Variants in ROBO1 observed in about 807,000 individuals in gnomAD.
ROBO1 encodes the protein roundabout homolog 1.
ROBO1 carries 149 observed loss-of-function variants against 195.9 expected under a neutral mutation model. The observed-to-expected ratio is 0.76, with a 90% CI of 0.67 to 0.87. The LOEUF is 0.87. Among genes scored for constraint, ROBO1 ranks in the 40% least tolerant of loss-of-function variants. The pLI is 0.00. For synonymous variants in ROBO1, 816 were observed against 733.2 expected (o/e 1.11, Z -1.82); for missense variants, 1,933 against 2,068.3 (o/e 0.93, Z 1.27).
At chr3:79,202,445 C>T (rs62259701) in intron 2 of ROBO1, among the ~76,000 whole-genome samples, 2,620 of 152,066 alleles carry the variant, frequency 0.017, 31 homozygotes, top group Non-Finnish European at 0.029. Flanking sequence ...GAAAAATTCA[C>T]TCTTTGATTT....
At chr3:78,711,356 TTCCTTCCTTC>T (rs2081704010) in intron 8 of ROBO1, among the ~76,000 whole-genome samples, 5 of 40,246 alleles carry the variant, frequency 1.2e-4, no homozygotes, top group African/African-American at 6.5e-4. Flanking sequence ...TCCTCCTTCC[TTCCTTCCTTC>T]CTTCCTTCCT....
chr3:78,990,743 T>TA lies in ROBO1; in HGVS notation c.173-51817dup, dbSNP rs1330469749. 3.3e-5 allele frequency among the ~76,000 whole-genome samples: 5 copies of TA among 151,992 alleles called. No homozygotes were observed. In the South Asian group the frequency reaches 8.3e-4, roughly 25 times the overall value. On this transcript the variant is annotated intron_variant, in intron 3 of 30. Coordinates refer to ENST00000464233, the MANE Select transcript of ROBO1 (RefSeq NM_002941.4). ...TAAAGAACACATTTTATACATAAAC[T>TA]AAAAAAAACTACATACCAGGCTATT...
intron 3 of ROBO1, among the ~76,000 whole-genome samples, chr3:79,100,417 C>T (rs1212969530): frequency 1.3e-5 from 2 of 151,390 alleles, no homozygotes; most frequent in East Asian, 1.9e-4. Flanking sequence ...AACCATATTA[C>T]TATTTATTTA....
At chr3:79,628,788 G>C (rs980302135) in intron 1 of ROBO1, among the ~76,000 whole-genome samples, 3 of 151,988 alleles carry the variant, frequency 2.0e-5, no homozygotes, top group African/African-American at 7.2e-5. Flanking sequence ...CAGACTAAAA[G>C]CAAAGGGTTT....
intron 4 of ROBO1, among the ~76,000 whole-genome samples, chr3:78,851,575 A>G (rs2034069609): frequency 6.6e-6 from 1 of 152,200 alleles, no homozygotes; most frequent in Non-Finnish European, 1.5e-5. Context: ...TTATTACCAT[A>G]TGGTTATCTA....
intron 3 of ROBO1, among the ~76,000 whole-genome samples, chr3:79,076,879 C>T (rs1028233961): frequency 1.3e-5 from 2 of 151,730 alleles, no homozygotes; most frequent in Non-Finnish European, 2.9e-5. Context: ...TTAGAATAGA[C>T]AATTTTTCAT....
intron 3 of ROBO1, among the ~76,000 whole-genome samples, chr3:79,020,287 G>C (rs1233098570): frequency 6.6e-6 from 1 of 152,166 alleles, no homozygotes; most frequent in Non-Finnish European, 1.5e-5. Context: ...CTCTGTTTCT[G>C]TTCTCGAGAT....
At chr3:79,117,969 T>C (rs538061181) in intron 3 of ROBO1, among the ~76,000 whole-genome samples, 4 of 152,262 alleles carry the variant, frequency 2.6e-5, no homozygotes, top group South Asian at 2.1e-4. Context: ...TTTCTGTGAA[T>C]TGAAAAACTA....
chr3:79,265,582 A>G (rs2083025066), intron 2 of ROBO1, among the ~76,000 whole-genome samples: 1 of 151,634 alleles, frequency 6.6e-6, no homozygotes, highest in Non-Finnish European at 1.5e-5. Flanking sequence ...ATGAGGGATT[A>G]TAAATGATAA....
intron 2 of ROBO1, among the ~76,000 whole-genome samples, chr3:79,530,365 AT>A (rs531826400): frequency 5.9e-5 from 9 of 151,884 alleles, no homozygotes; most frequent in African/African-American, 2.2e-4. Flanking sequence ...TTCGAGAGAG[AT>A]TTTTTTTCCT....
chr3:79,647,225 A>G (rs1945845343), intron 1 of ROBO1, among the ~76,000 whole-genome samples: 1 of 152,116 alleles, frequency 6.6e-6, no homozygotes, highest in South Asian at 2.1e-4. Context: ...TAAAAATTTT[A>G]AAAATTAAAG....
chr3:79,572,498 A>C (rs1336842663), intron 2 of ROBO1, among the ~76,000 whole-genome samples: 1 of 152,116 alleles, frequency 6.6e-6, no homozygotes, highest in Non-Finnish European at 1.5e-5. Context: ...ATATATAATA[A>C]ACATGTATTG....
chr3:78,661,208 A>T lies in ROBO1; in HGVS notation c.2142T>A (p.Ser714=). 1 of 1,613,420 alleles carries T rather than the reference A, an allele frequency of 6.2e-7. No homozygotes were observed. Among genetic ancestry groups the T allele is most frequent in the South Asian group, 1.1e-5 (1 of 90,938 alleles). ...IQGYKILYRP[S]GANHGESDWL... ...AGTCTGATTCTCCGTGGTTGGCTCCAGATGGCCGATAGAGAATTTTATATC... is the reference window on the plus strand; with the variant it reads ...AGTCTGATTCTCCGTGGTTGGCTCCTGATGGCCGATAGAGAATTTTATATC... The change falls in exon 16 of 31, where the codon TCT becomes TCA. Residue 714 remains serine, a synonymous_variant. Coordinates refer to ENST00000464233, the MANE Select transcript of ROBO1 (RefSeq NM_002941.4).
chr3:78,974,620 C>T lies in ROBO1; in HGVS notation c.173-35693G>A, dbSNP rs528347642. On this transcript the variant is annotated intron_variant, in intron 3 of 30. Coordinates refer to ENST00000464233, the MANE Select transcript of ROBO1 (RefSeq NM_002941.4). ...TGTCACCAGCAGTTTAGAGTTTCCTCGTTAGATTTTCATAGAAATGGTTCT... is the reference window on the plus strand; with the variant it reads ...TGTCACCAGCAGTTTAGAGTTTCCTTGTTAGATTTTCATAGAAATGGTTCT... 3.9e-5 allele frequency among the ~76,000 whole-genome samples: 6 copies of T among 152,270 alleles called. No individual in the cohort carries two copies. In the East Asian group the frequency reaches 9.7e-4, roughly 25 times the overall value.
chr3:79,600,548 C>A (rs1944310058), intron 1 of ROBO1, among the ~76,000 whole-genome samples: 2 of 151,912 alleles, frequency 1.3e-5, no homozygotes, highest in African/African-American at 2.4e-5. Flanking sequence ...AAGTATACAG[C>A]AAATAAGGTA....
chr3:78,880,603 T>A (rs982060925), intron 4 of ROBO1, among the ~76,000 whole-genome samples: 4 of 152,174 alleles, frequency 2.6e-5, no homozygotes, highest in African/African-American at 9.6e-5. Flanking sequence ...ACATTTAAAA[T>A]AAAATGCAAA....
intron 4 of ROBO1, among the ~76,000 whole-genome samples, chr3:78,873,261 T>A (rs1345234271): frequency 2.6e-5 from 4 of 152,138 alleles, no homozygotes; most frequent in Non-Finnish European, 4.4e-5. Context: ...CTCAGGTAGT[T>A]CCGTCAGTCA....
At chr3:78,722,180 T>C (rs1291478114) in intron 5 of ROBO1, among the ~76,000 whole-genome samples, 1 of 152,150 alleles carries the variant, frequency 6.6e-6, no homozygotes, top group African/African-American at 2.4e-5. Context: ...GTGTTTGGTA[T>C]TGAATATAGA....
At chr3:79,115,707 A>T (rs1351751612) in intron 3 of ROBO1, among the ~76,000 whole-genome samples, 1 of 152,130 alleles carries the variant, frequency 6.6e-6, no homozygotes, top group African/African-American at 2.4e-5. Flanking sequence ...AAATAATTAT[A>T]TTGAACTCCT....
Sources: allele counts gnomAD v4.1 joint callset (sites outside exome capture counted in the v4.1 genomes callset), GRCh38; gene constraint gnomAD v4.1.1; transcripts MANE v1.5; gene names NCBI Gene and HGNC (gene_info 2026-07-23, HGNC 2026-07-21).